The following DPP10 variants were observed in gnomAD, a reference collection of about 807,000 sequenced individuals.
The protein encoded by DPP10 is inactive dipeptidyl peptidase 10.
In DPP10, 33 loss-of-function variants were observed where a neutral mutation model predicts 120.9. The ratio of observed to expected loss-of-function variants is 0.27; its 90% CI spans 0.21 to 0.37. The LOEUF (loss-of-function observed/expected upper bound fraction) is 0.37. Among genes scored for constraint, DPP10 ranks in the 10% least tolerant of loss-of-function variants. The pLI is 1.00. For synonymous variants in DPP10, 337 were observed against 326.1 expected, an observed-to-expected ratio of 1.03 and a Z score of -0.36; for missense variants, 816 against 942.8, an observed-to-expected ratio of 0.87 and a Z score of 1.76.
At chr2:115,028,018 G>T (rs1007763737) in intron 1 of DPP10, among the ~76,000 whole-genome samples, 1 of 151,784 alleles carries the variant, frequency 6.6e-6, no homozygotes, top group Non-Finnish European at 1.5e-5. Context: ...ATAGTTATAG[G>T]TTTGTTGATT....
At chr2:115,510,702 G>A (rs1042412665) in intron 4 of DPP10, among the ~76,000 whole-genome samples, 6 of 151,998 alleles carry the variant, frequency 3.9e-5, no homozygotes, top group African/African-American at 1.4e-4. Context: ...GACTTTTGAT[G>A]GTGATTATAT....
At chr2:114,660,558 T>C (rs1020104790) in intron 1 of DPP10, among the ~76,000 whole-genome samples, 8 of 152,164 alleles carry the variant, frequency 5.3e-5, no homozygotes, top group African/African-American at 1.9e-4. Context: ...TTAGAAACAA[T>C]AGAACTTACT....
chr2:115,805,749 A>G (rs1162958540), intron 19 of DPP10, among the ~76,000 whole-genome samples: 1 of 151,462 alleles, frequency 6.6e-6, no homozygotes, highest in Non-Finnish European at 1.5e-5. Flanking sequence ...TAATTTTTGT[A>G]CTTTTAGTGG....
intron 10 of DPP10, among the ~76,000 whole-genome samples, chr2:115,752,045 G>A (rs544482439): frequency 4.1e-4 from 63 of 152,066 alleles, no homozygotes; most frequent in Non-Finnish European, 7.1e-4. Context: ...TGATCCACAC[G>A]CCTTGGCCTC....
At chr2:114,749,690 CT>C (rs898869154) in intron 1 of DPP10, among the ~76,000 whole-genome samples, 1 of 151,704 alleles carries the variant, frequency 6.6e-6, no homozygotes, top group Non-Finnish European at 1.5e-5. Context: ...ATCCTCTTGC[CT>C]TGGTCTCACA....
intron 1 of DPP10, among the ~76,000 whole-genome samples, chr2:114,596,529 AC>A (rs1198369649): frequency 2.0e-5 from 3 of 152,076 alleles, no homozygotes; most frequent in African/African-American, 7.2e-5. Context: ...AGATGTCTTT[AC>A]CCATGAGTAT....
At chr2:114,707,809 T>C (rs1700777181) in intron 1 of DPP10, among the ~76,000 whole-genome samples, 1 of 152,176 alleles carries the variant, frequency 6.6e-6, no homozygotes, top group East Asian at 1.9e-4. Context: ...TCTACTTATA[T>C]GTGATAATTC....
At chr2:114,637,230 G>T (rs191121284) in intron 1 of DPP10, among the ~76,000 whole-genome samples, 2 of 151,776 alleles carry the variant, frequency 1.3e-5, no homozygotes. Context: ...ATTATATTTC[G>T]TTAATGCTTT....
intron 1 of DPP10, among the ~76,000 whole-genome samples, chr2:115,186,963 G>A (rs986869907): frequency 2.0e-5 from 3 of 147,414 alleles, no homozygotes; most frequent in South Asian, 4.4e-4. Flanking sequence ...TCAAATCATG[G>A]TCCACAATTC....
intron 1 of DPP10, among the ~76,000 whole-genome samples, chr2:114,450,135 C>T (rs1678176867): frequency 6.6e-6 from 1 of 152,086 alleles, no homozygotes; most frequent in African/African-American, 2.4e-5. Context: ...ATATAGGCTT[C>T]ATATGATCTC....
At chr2:115,779,327 C>T (rs908899909) in intron 15 of DPP10, among the ~76,000 whole-genome samples, 22 of 152,068 alleles carry the variant, frequency 1.4e-4, no homozygotes, top group Non-Finnish European at 1.3e-4. Flanking sequence ...AATAGCTCAT[C>T]AAATGCCAGT....
Position 115,548,400 on chromosome 2 carries a change from CATGCATGGAGGAGGTGAT to C in DPP10, c.441+22430_441+22447del, listed in dbSNP as rs1373699698. On this transcript the variant is annotated intron_variant, in intron 5 of 25. Transcript: ENST00000410059. Reference sequence around the variant, plus strand: ...TTTTCCTGGCATTATGCTAAAAATACATGCATGGAGGAGGTGATAGTATTAAAGACGAGTTTCCCAGGC... The same window carrying C: ...TTTTCCTGGCATTATGCTAAAAATACAGTATTAAAGACGAGTTTCCCAGGC... Among the ~76,000 whole-genome samples, 88 of 141,572 alleles carry C rather than the reference CATGCATGGAGGAGGTGAT, an allele frequency of 6.2e-4. No individual in the cohort carries two copies. The East Asian group carries it at 8.3e-3, about 13-fold the overall frequency. 92.9% of individuals were successfully genotyped at this position (141,572 alleles called of 152,430 possible). A position where few individuals can be genotyped will look rare whatever the true frequency, so the allele number is the denominator to read the frequency against.
chr2:115,227,039 A>G (rs1048382407), intron 1 of DPP10, among the ~76,000 whole-genome samples: 5 of 152,166 alleles, frequency 3.3e-5, no homozygotes, highest in Non-Finnish European at 7.4e-5. Flanking sequence ...AATTCCATAT[A>G]AATAGCTATG....
intron 1 of DPP10, among the ~76,000 whole-genome samples, chr2:114,481,927 GA>G (rs1222934247): frequency 1.7e-4 from 25 of 148,958 alleles, no homozygotes; most frequent in Non-Finnish European, 1.5e-5. Context: ...GGAGAAGGAA[GA>G]GAAAGAGAAG....
rs985336102 is a variant in DPP10 at position 115,842,677 on chromosome 2, C to A, written c.*332C>A. On this transcript the variant is annotated 3_prime_UTR_variant, in exon 26 of 26. Coordinates refer to ENST00000410059, the MANE Select transcript of DPP10 (RefSeq NM_020868.6). The stretch of plus-strand genomic sequence containing the variant: ...ACTAGTTGCTCTCATTTTAATTTCA[C>A]TGGCCACCATCATCTTTGCATATAA... 1 of 190,778 alleles carries A rather than the reference C, an allele frequency of 5.2e-6. No individual in the cohort carries two copies. Among genetic ancestry groups the A allele is most frequent in the Non-Finnish European group, 1.1e-5 (1 of 91,942 alleles). 11.8% of individuals were successfully genotyped at this position (190,778 alleles called of 1,614,324 possible). A position where few individuals can be genotyped will look rare whatever the true frequency, so the allele number is the denominator to read the frequency against.
At chr2:115,749,832 C>T (rs181658986) in intron 10 of DPP10, among the ~76,000 whole-genome samples, 9 of 152,294 alleles carry the variant, frequency 5.9e-5, no homozygotes, top group East Asian at 5.8e-4. Flanking sequence ...CATGAAAACA[C>T]GGTGTAACTG....
At chr2:114,779,308 A>T (rs779699764) in intron 1 of DPP10, among the ~76,000 whole-genome samples, 2 of 152,100 alleles carry the variant, frequency 1.3e-5, no homozygotes, top group Admixed American at 1.3e-4. Flanking sequence ...GACTCTTCTG[A>T]GATTTTCTGT....
intron 1 of DPP10, among the ~76,000 whole-genome samples, chr2:114,993,576 G>GTATATA (rs1395583474): frequency 0.014 from 524 of 37,474 alleles, 7 homozygotes; most frequent in African/African-American, 0.037. Context: ...GTGTGTGTGT[G>GTATATA]TGTGTATATA....
At chr2:114,708,811 A>C (rs144144771) in intron 1 of DPP10, among the ~76,000 whole-genome samples, 10 of 152,130 alleles carry the variant, frequency 6.6e-5, no homozygotes, top group African/African-American at 2.4e-4. Flanking sequence ...GCTAGAGTAC[A>C]GTGGCACAAT....
Sources: gnomAD v4.1 joint callset for allele counts (sites outside exome capture counted in the v4.1 genomes callset) on GRCh38, gnomAD v4.1.1 for gene constraint, MANE v1.5 for transcripts, NCBI Gene and HGNC (gene_info 2026-07-23, HGNC 2026-07-21) for gene names.